PPIL2: variants seen among roughly 807,000 people sequenced by gnomAD.
The protein encoded by PPIL2 is RING-type E3 ubiquitin-protein ligase PPIL2.
Under a neutral mutation model 75.2 loss-of-function variants are expected in PPIL2, and 50 were observed. That is an observed-to-expected ratio of 0.66 (90% CI 0.53 to 0.84). The LOEUF is 0.84. Ranked by LOEUF, PPIL2 falls within the 40% of genes least tolerant of loss-of-function variation. The probability of loss-of-function intolerance (pLI) is 0.00; values close to 1 mark genes in which losing one functional copy is unlikely to be tolerated. For synonymous variants in PPIL2, 245 were observed against 258.8 expected, an observed-to-expected ratio of 0.95 and a Z score of 0.51; for missense variants, 590 against 685.0, an observed-to-expected ratio of 0.86 and a Z score of 1.55.
chr22:21,684,683 G>C, intron 9 of PPIL2, 70 bp from the exon 10 acceptor site: 1 of 1,569,772 alleles, frequency 6.4e-7, no homozygotes, highest in Non-Finnish European at 8.7e-7. Flanking sequence ...TTCTAGATCT[G>C]TGTCCCCAGC....
chr22:21,676,754 C>T (rs1238136229), intron 6 of PPIL2, among the ~76,000 whole-genome samples: 3 of 152,230 alleles, frequency 2.0e-5, no homozygotes, highest in African/African-American at 7.2e-5. Flanking sequence ...CCTATGTCTA[C>T]TTGTTTCTAC....
chr22:21,693,028 G>A (rs998385371), intron 15 of PPIL2, among the ~76,000 whole-genome samples: 1 of 151,760 alleles, frequency 6.6e-6, no homozygotes, highest in Admixed American at 6.6e-5. Flanking sequence ...GCTGTTGGCT[G>A]TTTTAATTCC....
intron 15 of PPIL2, among the ~76,000 whole-genome samples, chr22:21,690,033 G>A (rs1360086969): frequency 6.6e-6 from 1 of 152,154 alleles, no homozygotes; most frequent in Non-Finnish European, 1.5e-5. Flanking sequence ...TGACAGGTGT[G>A]GCCCCTGCAT....
chr22:21,689,010 G>A (rs1349945560), intron 15 of PPIL2, among the ~76,000 whole-genome samples, 161 bp downstream of exon 15: 1 of 152,228 alleles, frequency 6.6e-6, no homozygotes, highest in African/African-American at 2.4e-5. Flanking sequence ...TCAAAAGGGG[G>A]TCCCCAGAGT....
In PPIL2 at chr22:21,683,348, G is replaced by C. The variant is rs189940545; in HGVS notation, c.553+91G>C. 73 of 1,156,198 alleles carry C rather than the reference G, an allele frequency of 6.3e-5. No homozygotes were observed. The African/African-American group carries it at 1.1e-3, about 17-fold the overall frequency. 71.6% of individuals were successfully genotyped at this position (1,156,198 alleles called of 1,614,324 possible). On this transcript the variant is annotated intron_variant, in intron 9 of 19. Coordinates refer to ENST00000398831, the MANE Select transcript of PPIL2 (RefSeq NM_014337.4). Reference sequence around the variant, plus strand: ...GGGTAAAGCCCCCGCTTTCCTGGAGGTCAGGGGGTCCCAGCCCAGACAGGC... The same window carrying C: ...GGGTAAAGCCCCCGCTTTCCTGGAGCTCAGGGGGTCCCAGCCCAGACAGGC...
At chr22:21,691,065 A>G (rs1168221270) in intron 15 of PPIL2, among the ~76,000 whole-genome samples, 1 of 145,594 alleles carries the variant, frequency 6.9e-6, no homozygotes, top group Non-Finnish European at 1.5e-5. Context: ...CCTGGGTTCA[A>G]GCGGTTCTCC....
chr22:21,688,896 C>G (rs1429172824), intron 15 of PPIL2, 47 bp downstream of exon 15: 1 of 1,536,754 alleles, frequency 6.5e-7, no homozygotes, highest in South Asian at 1.1e-5. Flanking sequence ...TGAGCCGGCA[C>G]TCTCTGCGGG....
rs1407147074 is a variant in PPIL2, at chr22:21,697,699, C to G, written c.*2209C>G. ...ACCATGGGTGACCGTCCAGCCTCACCCGGTGGCCTGCACAGTGAGGGAAGG... is the reference window on the plus strand; with the variant it reads ...ACCATGGGTGACCGTCCAGCCTCACGCGGTGGCCTGCACAGTGAGGGAAGG... On this transcript the variant is annotated 3_prime_UTR_variant, in exon 20 of 20. Coordinates refer to ENST00000398831, the MANE Select transcript of PPIL2 (RefSeq NM_014337.4). 1.3e-5 allele frequency: 2 copies of G among 152,470 alleles called. No individual in the cohort carries two copies. The highest frequency in any genetic ancestry group is 3.8e-4 in the East Asian group (2 of 5,332). The allele number at this position is 152,470 out of a possible 1,614,324, so 9.4% of individuals were successfully genotyped here. A position where few individuals can be genotyped will look rare whatever the true frequency, so the allele number is the denominator to read the frequency against.
intron 2 of PPIL2, chr22:21,670,172 A>G (rs2066577139): frequency 1.1e-6 from 1 of 892,654 alleles, no homozygotes; most frequent in African/African-American, 1.7e-5. Flanking sequence ...TGTAATTTAA[A>G]ATATTCCCCG....
chr22:21,669,436 A>G (rs1484917920), intron 1 of PPIL2: 9 of 430,542 alleles, frequency 2.1e-5, no homozygotes, highest in Admixed American at 5.0e-5. Context: ...GGTGTGAGCC[A>G]CTGTGCCTGG....
chr22:21,671,510 G>A lies in PPIL2; in HGVS notation c.191+451G>A, dbSNP rs557161980. ...TGTGGATCTATTTATTCACTTGGTTGTGATGAGAGCTTTTTTCCCCGTGTG... is the reference window on the plus strand; with the variant it reads ...TGTGGATCTATTTATTCACTTGGTTATGATGAGAGCTTTTTTCCCCGTGTG... On this transcript the variant is annotated intron_variant, in intron 4 of 19. Transcript: ENST00000398831. Among the ~76,000 whole-genome samples, 3 of 152,294 alleles carry A rather than the reference G, an allele frequency of 2.0e-5. No homozygotes were observed. In the South Asian group the frequency reaches 6.2e-4, roughly 32 times the overall value.
Position 21,666,042 on chromosome 22 carries a change from G to C in PPIL2, c.-58G>C. 6.3e-7 allele frequency: 1 copy of C among 1,594,736 alleles called. No individual in the cohort carries two copies. The highest frequency in any genetic ancestry group is 8.6e-7 in the Non-Finnish European group (1 of 1,168,428). ...TCACGGAACTCGGCTGCGGCTCCAT[G>C]GTCTGAGTTGTCAGCCGTTGTTTTT... On this transcript the variant is annotated 5_prime_UTR_variant, in exon 1 of 20. An upstream start codon of the reference 5' UTR is lost. Transcript: ENST00000398831.
At chr22:21,685,523 T>A (rs953041701) in intron 10 of PPIL2, 6 of 372,104 alleles carry the variant, frequency 1.6e-5, no homozygotes, top group Non-Finnish European at 3.1e-5. Context: ...TCTTAAAGAA[T>A]TATTCAAATT....
At chr22:21,692,556 GCTTCT>G (rs956597600) in intron 15 of PPIL2, among the ~76,000 whole-genome samples, 12 of 151,966 alleles carry the variant, frequency 7.9e-5, no homozygotes, top group African/African-American at 1.2e-4. Flanking sequence ...ATTTTCATTT[GCTTCT>G]CTTCTCTTTC....
chr22:21,683,684 CA>C (rs1485378792), intron 9 of PPIL2, among the ~76,000 whole-genome samples: 27 of 152,312 alleles, frequency 1.8e-4, no homozygotes, highest in Non-Finnish European at 1.0e-4. Context: ...GTAGGCTGAG[CA>C]CGTGAACTGG....
At position 21,688,676 on chromosome 22, in the gene PPIL2, G is replaced by A; in HGVS notation, c.1022-56G>A. On this transcript the variant is annotated intron_variant, in intron 14 of 19. Transcript: ENST00000398831. ...GCCCCTCGGGACTCTGAGGTTTCTAGTTCTGCCTCGGCTGGGGCCCAGGCT... is the reference window on the plus strand; with the variant it reads ...GCCCCTCGGGACTCTGAGGTTTCTAATTCTGCCTCGGCTGGGGCCCAGGCT... 5.1e-6 allele frequency: 8 copies of A among 1,556,772 alleles called. 1 individual carries two copies. The highest frequency in any genetic ancestry group is 2.3e-5 in the East Asian group (1 of 44,428).
chr22:21,669,980 T>C lies in PPIL2; in HGVS notation c.82+18T>C. The C allele has an allele frequency of 1.2e-6, 2 of 1,609,280 alleles. No homozygotes were observed. The stretch of plus-strand genomic sequence containing the variant: ...GAAGCCAGGTAAGGCATGCAGTCTT[T>C]CTGTTCCCCGTTGGGGGAGTGGTAT... On this transcript the variant is annotated intron_variant, in intron 2 of 19. Coordinates refer to ENST00000398831, the MANE Select transcript of PPIL2 (RefSeq NM_014337.4).
chr22:21,669,624 C>G (rs541180062), intron 1 of PPIL2, among the ~76,000 whole-genome samples: 1 of 152,098 alleles, frequency 6.6e-6, no homozygotes, highest in East Asian at 1.9e-4. Context: ...TTCAGCCTCC[C>G]GAGTAGCTGG....
In PPIL2 at chr22:21,682,539, TGC is replaced by T. The variant is rs758031810; in HGVS notation, c.477+14_477+15del. 2.0e-6 allele frequency: 3 copies of T among 1,533,862 alleles called. No homozygotes were observed. The Admixed American group carries it at 5.5e-5, about 28-fold the overall frequency. The stretch of plus-strand genomic sequence containing the variant: ...CATCACCCTCCAGGTGAGTGTCCCC[TGC>T]CTGCCTGCCCCAGCTGCCTTCAGCA... On this transcript the variant is annotated intron_variant, in intron 8 of 19. Coordinates refer to ENST00000398831, the MANE Select transcript of PPIL2 (RefSeq NM_014337.4).
Sources: allele counts gnomAD v4.1 joint callset (sites outside exome capture counted in the v4.1 genomes callset), GRCh38; gene constraint gnomAD v4.1.1; transcripts MANE v1.5; gene names NCBI Gene and HGNC (gene_info 2026-07-23, HGNC 2026-07-21).